TPX2: variants seen among roughly 807,000 people sequenced by gnomAD.
The protein encoded by TPX2 is targeting protein for Xklp2.
In TPX2, 21 loss-of-function variants were observed where a neutral mutation model predicts 93.6. The ratio of observed to expected loss-of-function variants is 0.22; its 90% CI spans 0.16 to 0.32. The LOEUF is 0.32. Among genes scored for constraint, TPX2 ranks in the 10% least tolerant of loss-of-function variants. TPX2 has a pLI of 1.00. For missense variants in TPX2, 776 were observed against 871.1 expected (o/e 0.89, Z 1.37); for synonymous variants, 281 against 298.3 (o/e 0.94, Z 0.60).
rs765461644 is a variant in TPX2 at position 31,798,556 on chromosome 20, A to G, written c.2133+4A>G. 6.2e-7 allele frequency: 1 copy of G among 1,600,792 alleles called. No individual in the cohort carries two copies. The highest frequency in any genetic ancestry group is 8.5e-7 in the Non-Finnish European group (1 of 1,175,656). On this transcript the variant is annotated splice_donor_region_variant and intron_variant, in intron 17 of 17. Transcript: ENST00000300403. ...GGCCAGGCTACGGAGAGAACTGGTA[A>G]CTGGGAGCATGAGCACTGACGAACA...
At chr20:31,766,882 C>A (rs942946025) in intron 5 of TPX2, among the ~76,000 whole-genome samples, 200 bp downstream of exon 5, 1 of 148,984 alleles carries the variant, frequency 6.7e-6, no homozygotes, top group Non-Finnish European at 1.5e-5. Context: ...CTCACTGCAA[C>A]CTCTGCCCCA....
intron 4 of TPX2, among the ~76,000 whole-genome samples, chr20:31,764,146 G>A (rs543609389): frequency 3.4e-5 from 5 of 149,024 alleles, no homozygotes; most frequent in Non-Finnish European, 7.5e-5. Context: ...ATACATGTAT[G>A]TGTACATACA....
chr20:31,800,104 G>C (rs1034945575), intron 17 of TPX2, among the ~76,000 whole-genome samples: 1 of 152,150 alleles, frequency 6.6e-6, no homozygotes, highest in South Asian at 2.1e-4. Flanking sequence ...TAAATAAAAT[G>C]CTAGACTAGC....
intron 2 of TPX2, among the ~76,000 whole-genome samples, chr20:31,746,719 C>T (rs931694328): frequency 6.6e-6 from 1 of 152,026 alleles, no homozygotes; most frequent in African/African-American, 2.4e-5. Flanking sequence ...CCGGTCTGAA[C>T]CTGCACCTTT....
At chr20:31,800,858 A>G in intron 17 of TPX2, 112 bp from the exon 18 acceptor site, 1 of 874,402 alleles carries the variant, frequency 1.1e-6, no homozygotes, top group Middle Eastern at 2.3e-4. Flanking sequence ...GAAACTAGTG[A>G]CTGGGACCTG....
chr20:31,768,540 C>T (rs144333558), intron 5 of TPX2, among the ~76,000 whole-genome samples: 17 of 152,048 alleles, frequency 1.1e-4, no homozygotes, highest in Non-Finnish European at 1.8e-4. Flanking sequence ...CCACTGTGCC[C>T]GGCCGGAAAG....
At chr20:31,746,424 G>A (rs1350786108) in intron 2 of TPX2, among the ~76,000 whole-genome samples, 7 of 152,196 alleles carry the variant, frequency 4.6e-5, no homozygotes, top group Non-Finnish European at 8.8e-5. Flanking sequence ...CTTATCCCTT[G>A]TGAAAGTAGG....
intron 2 of TPX2, among the ~76,000 whole-genome samples, chr20:31,751,804 G>A (rs1470664168): frequency 3.3e-5 from 5 of 152,248 alleles, no homozygotes; most frequent in African/African-American, 9.6e-5. Context: ...GTGCAATGGC[G>A]CAATCTCAGC....
chr20:31,789,883 G>C (rs1215680513), intron 12 of TPX2, among the ~76,000 whole-genome samples: 1 of 152,212 alleles, frequency 6.6e-6, no homozygotes, highest in East Asian at 1.9e-4. Context: ...GGTGAATGCA[G>C]AGAGAGGGAA....
chr20:31,801,180 T>C lies in TPX2; in HGVS notation c.*100T>C, dbSNP rs1481325045. 7.6e-6 allele frequency: 8 copies of C among 1,053,612 alleles called. No homozygotes were observed. The East Asian group carries it at 1.9e-4, about 26-fold the overall frequency. 65.3% of individuals were successfully genotyped at this position (1,053,612 alleles called of 1,614,324 possible). A position where few individuals can be genotyped will look rare whatever the true frequency, so the allele number is the denominator to read the frequency against. ...TGTCATTGGGCATGGAGAGAACCCA[T>C]TTCTCCAGACTTTTACCTACCCGTG... On this transcript the variant is annotated 3_prime_UTR_variant, in exon 18 of 18. Transcript: ENST00000300403.
At chr20:31,760,639 T>C (rs1021574901) in intron 4 of TPX2, among the ~76,000 whole-genome samples, 1 of 152,046 alleles carries the variant, frequency 6.6e-6, no homozygotes, top group Non-Finnish European at 1.5e-5. Context: ...GGATTATAGG[T>C]GTGAGCTACT....
chr20:31,759,285 A>G (rs2061872064), intron 3 of TPX2, among the ~76,000 whole-genome samples: 1 of 151,538 alleles, frequency 6.6e-6, no homozygotes, highest in South Asian at 2.1e-4. Context: ...GCTCTGCTCT[A>G]CCCTCACACA....
At chr20:31,796,508 G>A (rs1340843804) in intron 15 of TPX2, among the ~76,000 whole-genome samples, 1 of 152,036 alleles carries the variant, frequency 6.6e-6, no homozygotes, top group Admixed American at 6.5e-5. Flanking sequence ...CTAAATCTCC[G>A]AATCTTCTTT....
At chr20:31,787,667 G>A (rs1302465576) in intron 12 of TPX2, among the ~76,000 whole-genome samples, 1 of 152,128 alleles carries the variant, frequency 6.6e-6, no homozygotes, top group East Asian at 1.9e-4. Context: ...GTAGGTAAGA[G>A]GCAAATGGTT....
intron 15 of TPX2, among the ~76,000 whole-genome samples, chr20:31,796,611 C>T (rs530449857): frequency 4.1e-4 from 63 of 151,998 alleles, no homozygotes; most frequent in African/African-American, 9.9e-4. Flanking sequence ...TTGCTGATTG[C>T]GTTCCCACAC....
At chr20:31,761,162 C>T (rs2061887773) in intron 4 of TPX2, among the ~76,000 whole-genome samples, 1 of 151,460 alleles carries the variant, frequency 6.6e-6, no homozygotes, top group African/African-American at 2.4e-5. Context: ...CATATGACTA[C>T]TCTCACCTCC....
At chr20:31,787,001 T>C (rs999995786) in intron 12 of TPX2, among the ~76,000 whole-genome samples, 4 of 151,992 alleles carry the variant, frequency 2.6e-5, no homozygotes, top group African/African-American at 9.7e-5. Flanking sequence ...ATTTGTTGGG[T>C]ACATCACAGA....
chr20:31,763,700 A>G (rs1161078924), intron 4 of TPX2, among the ~76,000 whole-genome samples: 1 of 145,888 alleles, frequency 6.9e-6, no homozygotes, highest in Non-Finnish European at 1.5e-5. Flanking sequence ...TTTAATTTAA[A>G]TTTAATTTAA....
intron 7 of TPX2, among the ~76,000 whole-genome samples, chr20:31,773,877 T>C (rs1427673072): frequency 6.6e-6 from 1 of 152,146 alleles, no homozygotes; most frequent in African/African-American, 2.4e-5. Flanking sequence ...TGGATTTTTT[T>C]TTTTTTTTAT....
Sources: allele counts gnomAD v4.1 joint callset (sites outside exome capture counted in the v4.1 genomes callset), GRCh38; gene constraint gnomAD v4.1.1; transcripts MANE v1.5; gene names NCBI Gene and HGNC (gene_info 2026-07-23, HGNC 2026-07-21).